Variants in SMYD3 observed in about 807,000 individuals in gnomAD.
The protein encoded by SMYD3 is SET and MYND domain containing 3.
A neutral mutation model predicts 57.7 loss-of-function variants in SMYD3; 36 were observed. That is an observed-to-expected ratio of 0.62 (90% CI 0.48 to 0.82). SMYD3 has a LOEUF of 0.82. Ranked by LOEUF, SMYD3 falls within the 40% of genes least tolerant of loss-of-function variation. The pLI is 0.00. For synonymous variants in SMYD3, 211 were observed against 195.0 expected, an observed-to-expected ratio of 1.08 and a Z score of -0.68; for missense variants, 515 against 538.8, an observed-to-expected ratio of 0.96 and a Z score of 0.44.
intron 5 of SMYD3, among the ~76,000 whole-genome samples, chr1:245,957,164 G>T (rs1572787700): frequency 1.3e-5 from 2 of 152,156 alleles, no homozygotes; most frequent in Admixed American, 1.3e-4. Flanking sequence ...AAAGTAAAGA[G>T]ACGACTGCCA....
At chr1:246,173,536 T>C (rs1024859448) in intron 5 of SMYD3, among the ~76,000 whole-genome samples, 7 of 152,248 alleles carry the variant, frequency 4.6e-5, no homozygotes, top group African/African-American at 1.7e-4. Flanking sequence ...CATTTCCTTT[T>C]TTATAACCTT....
chr1:246,031,268 T>C (rs2059668548), intron 5 of SMYD3, among the ~76,000 whole-genome samples: 1 of 152,120 alleles, frequency 6.6e-6, no homozygotes, highest in Admixed American at 6.6e-5. Context: ...AGCAAACTAG[T>C]TGTCAAGCAA....
At chr1:246,211,393 T>C (rs1435029822) in intron 5 of SMYD3, among the ~76,000 whole-genome samples, 3 of 152,164 alleles carry the variant, frequency 2.0e-5, no homozygotes, top group African/African-American at 7.2e-5. Context: ...CAGAGACTGG[T>C]TGAATACACA....
At chr1:246,464,198 T>G (rs987168192) in intron 1 of SMYD3, among the ~76,000 whole-genome samples, 1 of 151,918 alleles carries the variant, frequency 6.6e-6, no homozygotes, top group Non-Finnish European at 1.5e-5. Flanking sequence ...AATGTGTCAG[T>G]AGAGAGAGAA....
chr1:246,089,600 T>C (rs1356437140), intron 5 of SMYD3, among the ~76,000 whole-genome samples: 1 of 152,156 alleles, frequency 6.6e-6, no homozygotes, highest in Non-Finnish European at 1.5e-5. Context: ...GTTGAAGATT[T>C]TGGTTTCTAA....
chr1:245,810,972 CT>C (rs1442298896), intron 10 of SMYD3, among the ~76,000 whole-genome samples: 1 of 152,212 alleles, frequency 6.6e-6, no homozygotes, highest in Non-Finnish European at 1.5e-5. Context: ...ATCCCTAGTG[CT>C]CATTACACTT....
At chr1:246,422,692 G>T (rs2067160736) in intron 1 of SMYD3, among the ~76,000 whole-genome samples, 1 of 152,128 alleles carries the variant, frequency 6.6e-6, no homozygotes, top group Non-Finnish European at 1.5e-5. Context: ...AAAGTGCTGG[G>T]ATTACAGGCG....
In SMYD3 at chr1:246,235,482, A is replaced by G. The variant is rs79176204; in HGVS notation, c.531+91719T>C. 4.1e-3 allele frequency among the ~76,000 whole-genome samples: 630 copies of G among 152,298 alleles called. 4 individuals carry two copies. Among genetic ancestry groups the G allele is most frequent in the Non-Finnish European group, 6.4e-3 (437 of 68,020 alleles). On this transcript the variant is annotated intron_variant, in intron 5 of 11. Coordinates refer to ENST00000490107, the MANE Select transcript of SMYD3 (RefSeq NM_001167740.2). The stretch of plus-strand genomic sequence containing the variant: ...TAGGAATACCTAACTATAAAAATAA[A>G]CACAGTTGTGGGTCTCAGCTGGGCA...
chr1:246,193,589 C>G (rs977515591), intron 5 of SMYD3: 1 of 152,442 alleles, frequency 6.6e-6, no homozygotes, highest in Admixed American at 6.5e-5. Context: ...ACGTTTCTCT[C>G]CAAGCTTCTT....
intron 5 of SMYD3, among the ~76,000 whole-genome samples, chr1:246,110,671 A>T (rs984198419): frequency 1.3e-5 from 2 of 152,204 alleles, no homozygotes; most frequent in African/African-American, 4.8e-5. Flanking sequence ...CACCAGGGCA[A>T]TTATACCTTT....
At chr1:246,398,808 A>G (rs935428763) in intron 1 of SMYD3, among the ~76,000 whole-genome samples, 3 of 152,140 alleles carry the variant, frequency 2.0e-5, no homozygotes, top group Admixed American at 1.3e-4. Context: ...CAGAACCCAA[A>G]GAAACAGAAT....
chr1:245,903,786 C>T (rs754569908), intron 8 of SMYD3, among the ~76,000 whole-genome samples: 4 of 152,172 alleles, frequency 2.6e-5, no homozygotes, highest in African/African-American at 9.7e-5. Context: ...CCTCTTTTAC[C>T]CACAGCTGGA....
intron 8 of SMYD3, among the ~76,000 whole-genome samples, chr1:245,887,556 T>C (rs902186999): frequency 1.1e-4 from 16 of 152,158 alleles, no homozygotes; most frequent in African/African-American, 3.4e-4. Context: ...TCCAGTAACA[T>C]CCCCAGACTG....
chr1:245,928,029 A>T lies in SMYD3; in HGVS notation c.604T>A (p.Ser202Thr), dbSNP rs769898823. The change falls in exon 7 of 12, where the codon TCT becomes ACT. Residue 202 changes from serine to threonine, a missense_variant. Ser to Thr is a moderately conservative substitution (Grantham distance 58, BLOSUM62 1). Transcript: ENST00000490107. The stretch of plus-strand genomic sequence containing the variant: ...GGGTCACAGCTGTGATTGAGCAAAG[A>T]GATACTGGAAAAAAAAAGGGGGGAA... ...EVGVGLYPSI[S>T]LLNHSCDPNC... The T allele has an allele frequency of 1.2e-6, 2 of 1,610,728 alleles. No individual in the cohort carries two copies. Among genetic ancestry groups the T allele is most frequent in the Non-Finnish European group, 1.7e-6 (2 of 1,177,876 alleles).
intron 5 of SMYD3, among the ~76,000 whole-genome samples, chr1:246,267,228 A>C (rs2064127075): frequency 6.6e-6 from 1 of 152,236 alleles, no homozygotes; most frequent in South Asian, 2.1e-4. Flanking sequence ...AAGAAGACAG[A>C]CCACAATTAT....
intron 5 of SMYD3, among the ~76,000 whole-genome samples, chr1:246,080,351 G>A (rs1558209961): frequency 6.6e-6 from 1 of 152,104 alleles, no homozygotes; most frequent in Non-Finnish European, 1.5e-5. Flanking sequence ...TTCTCATGAG[G>A]GCGTGAACCC....
chr1:246,014,899 AC>A (rs1330441055), intron 5 of SMYD3, among the ~76,000 whole-genome samples: 16 of 152,020 alleles, frequency 1.1e-4, no homozygotes, highest in Admixed American at 7.9e-4. Flanking sequence ...AAACTCCCAG[AC>A]CTGCCAAAGA....
chr1:246,205,902 T>A (rs2062993089), intron 5 of SMYD3, among the ~76,000 whole-genome samples: 1 of 152,134 alleles, frequency 6.6e-6, no homozygotes, highest in Non-Finnish European at 1.5e-5. Flanking sequence ...CTTTTCTAAA[T>A]CTTCACTTCC....
At chr1:246,187,287 C>CAA (rs201777727) in intron 5 of SMYD3, among the ~76,000 whole-genome samples, 24,107 of 110,118 alleles carry the variant, frequency 0.22, 2,829 homozygotes, top group African/African-American at 0.37. Flanking sequence ...GACTCTGTCT[C>CAA]AAAAAAAAAA....
Sources: allele counts gnomAD v4.1 joint callset (sites outside exome capture counted in the v4.1 genomes callset), GRCh38; gene constraint gnomAD v4.1.1; transcripts MANE v1.5; gene names NCBI Gene and HGNC (gene_info 2026-07-23, HGNC 2026-07-21).